MBNL3: variants seen among roughly 807,000 people sequenced by gnomAD.
The protein encoded by MBNL3 is muscleblind like splicing regulator 3, also known as muscleblind-like protein 3.
Under a neutral mutation model 24.5 loss-of-function variants are expected in MBNL3, and 6 were observed. The observed-to-expected ratio is 0.25, with a 90% CI of 0.13 to 0.48. The LOEUF (loss-of-function observed/expected upper bound fraction) is 0.48, where lower values mean the gene tolerates loss of function less well. Ranked by LOEUF, MBNL3 falls within the 20% of genes least tolerant of loss-of-function variation. The pLI, the probability that MBNL3 is intolerant of heterozygous loss-of-function variation, is 0.99. For missense variants in MBNL3, 230 were observed against 293.5 expected, an observed-to-expected ratio of 0.78 and a Z score of 1.58; for synonymous variants, 100 against 101.7, an observed-to-expected ratio of 0.98 and a Z score of 0.10.
Position 132,391,096 on chromosome X carries a change from ACATGCACATACACACG to A in MBNL3, c.535-29_535-14del, listed in dbSNP as rs761514399. On this transcript the variant is annotated splice_polypyrimidine_tract_variant and intron_variant, in intron 4 of 8. Coordinates refer to ENST00000370853, the MANE Select transcript of MBNL3 (RefSeq NM_001386889.1). ...ATTCTCGGCAAACCTTAGAACACAC[ACATGCACATACACACG>A]CATCACACTGATGACTGGAAGCTGA... The A allele has an allele frequency of 8.7e-6, 10 of 1,147,216 alleles. No homozygotes were observed. Among genetic ancestry groups the A allele is most frequent in the Non-Finnish European group, 1.1e-5 (9 of 840,681 alleles). The allele number at this position is 1,147,216 out of a possible 1,213,427, so 94.5% of individuals were successfully genotyped here. A position where few individuals can be genotyped will look rare whatever the true frequency, so the allele number is the denominator to read the frequency against.
intron 2 of MBNL3, among the ~76,000 whole-genome samples, chrX:132,423,115 G>A (rs759239102): frequency 1.6e-4 from 18 of 111,626 alleles, no homozygotes; most frequent in Non-Finnish European, 3.0e-4. Flanking sequence ...TAGCAGCCAC[G>A]TAAAAGAAGG....
rs1331002415 is a variant in MBNL3 at position 132,375,005 on chromosome X, A to AT, written c.*4660dup. 8.9e-6 allele frequency: 1 copy of AT among 111,943 alleles called. No homozygotes were observed. Among genetic ancestry groups the AT allele is most frequent in the Admixed American group, 9.5e-5 (1 of 10,509 alleles). The allele number at this position is 111,943 out of a possible 1,213,427, so 9.2% of individuals were successfully genotyped here. On this transcript the variant is annotated 3_prime_UTR_variant, in exon 9 of 9. Transcript: ENST00000370853. ...ATCCACACAACAAATTCTATAAACT[A>AT]TAAAGCCTGATTCTAGAATCCATGT...
chrX:132,479,725 T>C (rs183900141), intron 1 of MBNL3, among the ~76,000 whole-genome samples: 22 of 111,965 alleles, frequency 2.0e-4, no homozygotes, highest in African/African-American at 6.2e-4. Flanking sequence ...ATGTAACAGA[T>C]TACTCAATCC....
intron 2 of MBNL3, among the ~76,000 whole-genome samples, chrX:132,424,527 G>C (rs749440052): frequency 1.8e-5 from 2 of 111,977 alleles, no homozygotes; most frequent in African/African-American, 6.5e-5. Flanking sequence ...AACGAAAGCA[G>C]AGGAGTTTAT....
At chrX:132,445,138 A>G (rs1945631957) in intron 1 of MBNL3, among the ~76,000 whole-genome samples, 1 of 111,848 alleles carries the variant, frequency 8.9e-6, no homozygotes, top group African/African-American at 3.2e-5. Flanking sequence ...CAATGAAAAC[A>G]ATGTTTTCTT....
intron 3 of MBNL3, among the ~76,000 whole-genome samples, chrX:132,395,625 G>A (rs1477666040): frequency 9.0e-6 from 1 of 111,443 alleles, no homozygotes; most frequent in African/African-American, 3.3e-5. Flanking sequence ...AGCAGTATTA[G>A]CTCCTACAGT....
In MBNL3 at chrX:132,370,513, G is replaced by T. The variant is rs1933522382; in HGVS notation, c.*9153C>A. Reference sequence around the variant, plus strand: ...AAACACTGAGATTCAATGCCTAGAAGTTTGCTTAAGTAAAACATATTTCCC... The same window carrying T: ...AAACACTGAGATTCAATGCCTAGAATTTTGCTTAAGTAAAACATATTTCCC... On this transcript the variant is annotated 3_prime_UTR_variant, in exon 9 of 9. Transcript: ENST00000370853. The T allele has an allele frequency of 8.9e-6, 1 of 112,126 alleles. No homozygotes were observed. Among genetic ancestry groups the T allele is most frequent in the Admixed American group, 9.5e-5 (1 of 10,553 alleles). 9.2% of individuals were successfully genotyped at this position (112,126 alleles called of 1,213,427 possible). A position where few individuals can be genotyped will look rare whatever the true frequency, so the allele number is the denominator to read the frequency against.
In MBNL3 at chrX:132,372,774, T is replaced by A. The variant is rs1378913942; in HGVS notation, c.*6892A>T. On this transcript the variant is annotated 3_prime_UTR_variant, in exon 9 of 9. Coordinates refer to ENST00000370853, the MANE Select transcript of MBNL3 (RefSeq NM_001386889.1). The stretch of plus-strand genomic sequence containing the variant: ...TAGGTCTTGTTACAGAGGTATTTTT[T>A]AAAAAACTAATATGATGTAGATGCC... 1 of 111,274 alleles carries A rather than the reference T, an allele frequency of 9.0e-6. No homozygotes were observed. The highest frequency in any genetic ancestry group is 1.9e-5 in the Non-Finnish European group (1 of 52,937). The allele number at this position is 111,274 out of a possible 1,213,427, so 9.2% of individuals were successfully genotyped here.
intron 1 of MBNL3, among the ~76,000 whole-genome samples, chrX:132,458,340 A>C (rs1323972958): frequency 3.6e-5 from 4 of 109,618 alleles, no homozygotes. Context: ...TAGGCCCACA[A>C]GGTTACTGAA....
At position 132,374,190 on chromosome X, in the gene MBNL3, T is replaced by C. The variant is rs188361433; in HGVS notation, c.*5476A>G. The stretch of plus-strand genomic sequence containing the variant: ...ACTTTCTGTGAAAGATGAAATCTTA[T>C]TCTATCATAACGGTAATATCTATCT... On this transcript the variant is annotated 3_prime_UTR_variant, in exon 9 of 9. Transcript: ENST00000370853. The C allele has an allele frequency of 8.1e-5, 9 of 111,656 alleles. No individual in the cohort carries two copies. Among genetic ancestry groups the C allele is most frequent in the Admixed American group, 5.7e-4 (6 of 10,538 alleles). The allele number at this position is 111,656 out of a possible 1,213,427, so 9.2% of individuals were successfully genotyped here. A position where few individuals can be genotyped will look rare whatever the true frequency, so the allele number is the denominator to read the frequency against.
intron 2 of MBNL3, among the ~76,000 whole-genome samples, chrX:132,420,198 G>A (rs1288368667): frequency 3.6e-5 from 4 of 112,169 alleles, no homozygotes; most frequent in East Asian, 5.6e-4. Context: ...TGTTCAGCTC[G>A]ATTAGGACGA....
chrX:132,437,874 A>C, intron 2 of MBNL3: 1 of 582,044 alleles, frequency 1.7e-6, no homozygotes, highest in Non-Finnish European at 2.1e-6. Flanking sequence ...AAAGCAATTC[A>C]GAGATTTTCA....
intron 1 of MBNL3, among the ~76,000 whole-genome samples, chrX:132,471,372 T>G (rs1484757886): frequency 8.9e-6 from 1 of 112,859 alleles, no homozygotes; most frequent in Non-Finnish European, 1.9e-5. Context: ...TGAAAAATTT[T>G]CACAACTGCT....
At chrX:132,480,919 C>T (rs944718138) in intron 1 of MBNL3, among the ~76,000 whole-genome samples, 7 of 111,563 alleles carry the variant, frequency 6.3e-5, no homozygotes, top group Non-Finnish European at 9.4e-5. Context: ...ATTGTAAAAG[C>T]ACTGCCTTCC....
chrX:132,413,366 G>T, intron 2 of MBNL3: 1 of 552,407 alleles, frequency 1.8e-6, no homozygotes, highest in East Asian at 3.9e-5. Flanking sequence ...AAATTTTTTA[G>T]TATAAGTATG....
intron 2 of MBNL3, among the ~76,000 whole-genome samples, chrX:132,435,715 C>G (rs1945082940): frequency 9.0e-6 from 1 of 111,425 alleles, no homozygotes; most frequent in Non-Finnish European, 1.9e-5. Context: ...ATGTGCATTC[C>G]TTACCCAGTT....
intron 1 of MBNL3, among the ~76,000 whole-genome samples, chrX:132,471,034 C>T (rs892685041): frequency 9.0e-6 from 1 of 111,347 alleles, no homozygotes; most frequent in East Asian, 2.8e-4. Flanking sequence ...CCATGTTCCC[C>T]ATCTGTAAAA....
chrX:132,424,313 C>T (rs1031497925), intron 2 of MBNL3, among the ~76,000 whole-genome samples: 1 of 112,076 alleles, frequency 8.9e-6, no homozygotes, highest in Non-Finnish European at 1.9e-5. Context: ...AATCTTCTCT[C>T]TCCCATAACT....
At position 132,439,750 on chromosome X, in the gene MBNL3, A is replaced by G; in HGVS notation, c.-139T>C. On this transcript the variant is annotated 5_prime_UTR_variant, in exon 2 of 9. An upstream open reading frame in the 5' UTR loses its in-frame stop. Coordinates refer to ENST00000370853, the MANE Select transcript of MBNL3 (RefSeq NM_001386889.1). Reference sequence around the variant, plus strand: ...GTGAAATGTCTATTTGTTAACACTTAGGTTTTCATTAAAGTCAAATCTGGT... The same window carrying G: ...GTGAAATGTCTATTTGTTAACACTTGGGTTTTCATTAAAGTCAAATCTGGT... 1.1e-6 allele frequency: 1 copy of G among 921,897 alleles called. No homozygotes were observed. Among genetic ancestry groups the G allele is most frequent in the Non-Finnish European group, 1.4e-6 (1 of 715,786 alleles). 76.0% of individuals were successfully genotyped at this position (921,897 alleles called of 1,213,427 possible). A position where few individuals can be genotyped will look rare whatever the true frequency, so the allele number is the denominator to read the frequency against.
Sources: allele counts gnomAD v4.1 joint callset (sites outside exome capture counted in the v4.1 genomes callset), GRCh38; gene constraint gnomAD v4.1.1; transcripts MANE v1.5; gene names NCBI Gene and HGNC (gene_info 2026-07-23, HGNC 2026-07-21).